Variants in MGRN1 observed in about 807,000 individuals in gnomAD.
MGRN1 encodes the protein mahogunin ring finger 1.
Under a neutral mutation model 69.2 loss-of-function variants are expected in MGRN1, and 29 were observed. The observed-to-expected ratio is 0.42, with a 90% CI of 0.31 to 0.57. The LOEUF is 0.57. MGRN1 is among the 20% of genes least tolerant of loss of function. The pLI, the probability that MGRN1 is intolerant of heterozygous loss-of-function variation, is 0.15. For synonymous variants in MGRN1, 470 were observed against 344.2 expected, an observed-to-expected ratio of 1.37 and a Z score of -4.04; for missense variants, 998 against 796.2, an observed-to-expected ratio of 1.25 and a Z score of -3.05.
chr16:4,642,501 T>TGTGTGTGTGTGTGTG (rs1377829789), intron 1 of MGRN1, among the ~76,000 whole-genome samples: 1 of 151,194 alleles, frequency 6.6e-6, no homozygotes, highest in African/African-American at 2.4e-5. Context: ...TGTGTGTGTG[T>TGTGTGTGTGTGTGTG]TTTTAGTAGA....
At chr16:4,687,641 C>A in intron 16 of MGRN1, 1 of 982,490 alleles carries the variant, frequency 1.0e-6, no homozygotes, top group Non-Finnish European at 1.2e-6. Flanking sequence ...CCAGGAGTGC[C>A]ACCAAAATGT....
At chr16:4,636,064 A>T (rs1194822661) in intron 1 of MGRN1, among the ~76,000 whole-genome samples, 1 of 151,846 alleles carries the variant, frequency 6.6e-6, no homozygotes, top group African/African-American at 2.4e-5. Flanking sequence ...GGCCTCTGCA[A>T]GTGCTGGGAT....
At chr16:4,640,368 G>T (rs1265594133) in intron 1 of MGRN1, 1 of 152,280 alleles carries the variant, frequency 6.6e-6, no homozygotes, top group Admixed American at 6.5e-5. Flanking sequence ...GAGCATTGAG[G>T]CTGTTCGGGG....
intron 1 of MGRN1, chr16:4,650,129 C>T (rs112352405): frequency 2.6e-6 from 1 of 392,042 alleles, no homozygotes. Flanking sequence ...ATGGTGAAAC[C>T]CCGTCTCCAC....
chr16:4,673,430 G>A, intron 9 of MGRN1, 68 bp from the exon 10 acceptor site: 1 of 1,567,690 alleles, frequency 6.4e-7, no homozygotes, highest in South Asian at 1.2e-5. Flanking sequence ...GGACAGCTGG[G>A]GACAGGAAGC....
Position 4,629,150 on chromosome 16 carries a change from A to ATATTTG in MGRN1, c.88+4103_88+4104insATTTGT, listed in dbSNP as rs1555445266. Among the ~76,000 whole-genome samples, 602 of 127,688 alleles carry ATATTTG rather than the reference A, an allele frequency of 4.7e-3. 7 individuals carry two copies. The highest frequency in any genetic ancestry group is 0.016 in the African/African-American group (534 of 32,742). The allele number at this position is 127,688 out of a possible 152,430, so 83.8% of individuals were successfully genotyped here. On this transcript the variant is annotated intron_variant, in intron 1 of 16. Coordinates refer to ENST00000262370, the MANE Select transcript of MGRN1 (RefSeq NM_015246.4). ...TGCACCTGGCCTGCTTTCTGTTCGT[A>ATATTTG]TGTGTGTGTGTGTGTGTGTGTGTGT...
chr16:4,662,121 T>A (rs776055711), intron 5 of MGRN1, among the ~76,000 whole-genome samples: 13 of 152,226 alleles, frequency 8.5e-5, no homozygotes, highest in Non-Finnish European at 1.6e-4. Context: ...CTGCTGTCTG[T>A]GGTCCGCTGT....
At chr16:4,672,362 A>G (rs764620524) in intron 9 of MGRN1, 10 of 456,700 alleles carry the variant, frequency 2.2e-5, no homozygotes, top group South Asian at 1.5e-4. Context: ...AACTTGTTAA[A>G]AGGCACACTG....
intron 16 of MGRN1, chr16:4,688,393 T>C: frequency 9.9e-7 from 1 of 1,013,190 alleles, no homozygotes; most frequent in Non-Finnish European, 1.2e-6. Context: ...TCCCCACCCC[T>C]GCACCCTGGG....
At chr16:4,638,395 G>T (rs531565646) in intron 1 of MGRN1, among the ~76,000 whole-genome samples, 2 of 152,176 alleles carry the variant, frequency 1.3e-5, no homozygotes, top group East Asian at 3.9e-4. Context: ...AACCCGGGAG[G>T]CAGAGGTTGC....
intron 1 of MGRN1, among the ~76,000 whole-genome samples, chr16:4,646,291 G>C (rs542519210): frequency 4.6e-5 from 7 of 152,302 alleles, no homozygotes; most frequent in South Asian, 4.1e-4. Context: ...AAATGAGCCA[G>C]ACATTGTGCA....
Position 4,689,170 on chromosome 16 carries a change from G to A in MGRN1, c.*262G>A, listed in dbSNP as rs1251180924. On this transcript the variant is annotated 3_prime_UTR_variant, in exon 17 of 17. Transcript: ENST00000262370. ...CCTAGTTCAGAGCCCCCGTTCCCCA[G>A]GGTCCTGTGGGCTGAGCGGCTGGGG... is the stretch of plus-strand genomic sequence containing the variant. 4 of 456,840 alleles carry A rather than the reference G, an allele frequency of 8.8e-6. No homozygotes were observed. Among genetic ancestry groups the A allele is most frequent in the African/African-American group, 4.0e-5 (2 of 50,594 alleles). 28.3% of individuals were successfully genotyped at this position (456,840 alleles called of 1,614,324 possible).
intron 4 of MGRN1, among the ~76,000 whole-genome samples, chr16:4,655,190 A>G (rs1193655581): frequency 6.6e-6 from 1 of 152,030 alleles, no homozygotes; most frequent in African/African-American, 2.4e-5. Flanking sequence ...TGCCACAGAG[A>G]GGGTGTGGGC....
intron 7 of MGRN1, among the ~76,000 whole-genome samples, chr16:4,667,639 C>T (rs910809296): frequency 6.6e-6 from 1 of 152,196 alleles, no homozygotes; most frequent in South Asian, 2.1e-4. Context: ...ATTCTGAGTG[C>T]TGATGGTGGT....
intron 16 of MGRN1, among the ~76,000 whole-genome samples, chr16:4,684,619 C>A (rs535281018): frequency 6.6e-6 from 1 of 152,372 alleles, no homozygotes; most frequent in South Asian, 2.1e-4. Flanking sequence ...CTCACCTTTC[C>A]CGGAGGCTCG....
At chr16:4,630,221 A>G (rs561272106) in intron 1 of MGRN1, among the ~76,000 whole-genome samples, 65 of 151,356 alleles carry the variant, frequency 4.3e-4, no homozygotes, top group African/African-American at 1.5e-3. Flanking sequence ...GTGTGGCAGC[A>G]TGTGCCTGTA....
intron 8 of MGRN1, 78 bp downstream of exon 8, chr16:4,668,390 TAG>T: frequency 6.9e-7 from 1 of 1,446,270 alleles, no homozygotes; most frequent in South Asian, 1.2e-5. Context: ...TACTCATACA[TAG>T]ACACACACTC....
At chr16:4,631,151 A>G (rs979294365) in intron 1 of MGRN1, among the ~76,000 whole-genome samples, 11 of 152,130 alleles carry the variant, frequency 7.2e-5, no homozygotes, top group African/African-American at 2.7e-4. Flanking sequence ...ATGGCTTGAG[A>G]TAAAGATCTA....
At chr16:4,629,288 G>A (rs1043387295) in intron 1 of MGRN1, among the ~76,000 whole-genome samples, 5 of 151,948 alleles carry the variant, frequency 3.3e-5, no homozygotes, top group Non-Finnish European at 7.4e-5. Flanking sequence ...TTCTGGATAG[G>A]ATTCTCCTGT....
Sources: allele counts gnomAD v4.1 joint callset (sites outside exome capture counted in the v4.1 genomes callset), GRCh38; gene constraint gnomAD v4.1.1; transcripts MANE v1.5; gene names NCBI Gene and HGNC (gene_info 2026-07-23, HGNC 2026-07-21).